MYH10: variants seen among roughly 807,000 people sequenced by gnomAD.
MYH10 encodes the protein myosin heavy chain 10, also known as myosin-10.
In MYH10, 55 loss-of-function variants were observed where a neutral mutation model predicts 257.8. The observed-to-expected ratio is 0.21, with a 90% CI of 0.17 to 0.27. MYH10 has a LOEUF of 0.27. MYH10 is among the 10% of genes least tolerant of loss of function. The pLI, the probability that MYH10 is intolerant of heterozygous loss-of-function variation, is 1.00. For missense variants in MYH10, 1,631 were observed against 2,500.6 expected (o/e 0.65, Z 7.42); for synonymous variants, 854 against 921.7 (o/e 0.93, Z 1.33).
Position 8,577,302 on chromosome 17 carries a change from C to T in MYH10, c.567G>A (p.Lys189=), listed in dbSNP as rs1480975877. 4 of 1,611,274 alleles carry T rather than the reference C, an allele frequency of 2.5e-6. No homozygotes were observed. The highest frequency in any genetic ancestry group is 2.7e-5 in the African/African-American group (2 of 74,880). The change falls in exon 5 of 43, where the codon AAG becomes AAA. Residue 189 remains lysine, a synonymous_variant. Transcript: ENST00000360416. ...ESGAGKTENT[K]KVIQYLAHVA... is the part of the protein sequence containing the mutation. Reference sequence around the variant, plus strand: ...CATGGGCAAGGTACTGAATAACTTTCTTTGTATTTTCTGTCTTCCCAGCAC... The same window carrying T: ...CATGGGCAAGGTACTGAATAACTTTTTTTGTATTTTCTGTCTTCCCAGCAC...
At position 8,535,856 on chromosome 17, in the gene MYH10, C is replaced by G. The variant is rs1346490356; in HGVS notation, c.1681G>C (p.Glu561Gln). 6.2e-7 allele frequency: 1 copy of G among 1,614,086 alleles called. No individual in the cohort carries two copies. Among genetic ancestry groups the G allele is most frequent in the Non-Finnish European group, 8.5e-7 (1 of 1,179,996 alleles). ...GAACCTTGCTCTTGAACCAGTTTTTCAACAAAGGTTTTATCTGTGGCTTTA... is the reference window on the plus strand; with the variant it reads ...GAACCTTGCTCTTGAACCAGTTTTTGAACAAAGGTTTTATCTGTGGCTTTA... Reference protein sequence around the residue: ...FPKATDKTFVEKLVQEQGSHS... With the variant: ...FPKATDKTFVQKLVQEQGSHS... The change falls in exon 15 of 43, where the codon GAA becomes CAA. Residue 561 changes from glutamate (E) to glutamine (Q), a missense_variant. This residue lies in a region of MYH10 where 63 missense variants were observed against 167.9 expected (regional missense o/e 0.38). Transcript: ENST00000360416. This position sits in a 1 kb window ranked among gnomAD's most constrained non-coding sequence, Gnocchi z 4.3.
rs183112578 is a variant in MYH10, at chr17:8,494,881, G to A, written c.4056+256C>T. Among the ~76,000 whole-genome samples the A allele has an allele frequency of 1.9e-3, 282 of 152,330 alleles. 1 individual carries two copies. Among genetic ancestry groups the A allele is most frequent in the African/African-American group, 6.5e-3 (269 of 41,568 alleles). ...TTGGGTCAACCACAGCCCAGGCAGCGGCCGTGAATGGCAGCTGGAGCTGTC... is the reference window on the plus strand; with the variant it reads ...TTGGGTCAACCACAGCCCAGGCAGCAGCCGTGAATGGCAGCTGGAGCTGTC... On this transcript the variant is annotated intron_variant, in intron 31 of 42. Transcript: ENST00000360416.
intron 38 of MYH10, among the ~76,000 whole-genome samples, chr17:8,481,054 G>T (rs530207372): frequency 5.5e-5 from 3 of 54,300 alleles, no homozygotes; most frequent in African/African-American, 1.7e-4. Flanking sequence ...TGCAGTGCCC[G>T]TTGGCGCACC....
At chr17:8,609,526 G>A (rs2084945120) in intron 2 of MYH10, among the ~76,000 whole-genome samples, 4 of 152,064 alleles carry the variant, frequency 2.6e-5, no homozygotes, top group Admixed American at 2.0e-4. Context: ...GAAAACTTTA[G>A]GAGACAGATT....
chr17:8,478,783 T>C (rs938571878), intron 40 of MYH10, among the ~76,000 whole-genome samples: 1 of 152,196 alleles, frequency 6.6e-6, no homozygotes, highest in Non-Finnish European at 1.5e-5. Flanking sequence ...CAGGCTGGGG[T>C]GCAGTGGCGC....
intron 2 of MYH10, among the ~76,000 whole-genome samples, chr17:8,608,030 C>A (rs2084878580): frequency 6.6e-6 from 1 of 152,028 alleles, no homozygotes; most frequent in South Asian, 2.1e-4. Context: ...AGTAAAAGCA[C>A]AAAACTCTTA....
chr17:8,576,843 G>C (rs2083517063), intron 5 of MYH10, among the ~76,000 whole-genome samples, 171 bp from the exon 6 acceptor site: 1 of 152,138 alleles, frequency 6.6e-6, no homozygotes, highest in Admixed American at 6.6e-5. Flanking sequence ...TAAAAATTAA[G>C]GAGAACTGAC....
At position 8,488,492 on chromosome 17, in the gene MYH10, T is replaced by C. The variant is rs1915237529; in HGVS notation, c.4885-898A>G. Among the ~76,000 whole-genome samples, 2 of 152,228 alleles carry C rather than the reference T, an allele frequency of 1.3e-5. 1 individual carries two copies. ...CCATAAATGAATGTTTCGTCATGTATTTATTAAGGTATAGGTCATAAATAC... is the reference window on the plus strand; with the variant it reads ...CCATAAATGAATGTTTCGTCATGTACTTATTAAGGTATAGGTCATAAATAC... On this transcript the variant is annotated intron_variant, in intron 35 of 42. Transcript: ENST00000360416.
chr17:8,543,510 T>C (rs923944990), intron 13 of MYH10, among the ~76,000 whole-genome samples: 2 of 149,972 alleles, frequency 1.3e-5, no homozygotes, highest in African/African-American at 4.9e-5. Flanking sequence ...AGTCTCGTTC[T>C]CTTGCCCAGG....
intron 2 of MYH10, among the ~76,000 whole-genome samples, chr17:8,622,547 C>A (rs995673194): frequency 6.6e-6 from 1 of 152,162 alleles, no homozygotes; most frequent in Non-Finnish European, 1.5e-5. Context: ...GATTTTTGAC[C>A]GTTTTGCTGT....
chr17:8,596,568 T>TG (rs201937278), intron 3 of MYH10, among the ~76,000 whole-genome samples: 1,815 of 151,706 alleles, frequency 0.012, 108 homozygotes, highest in Admixed American at 0.11. Context: ...TCCTTCAACT[T>TG]GCTTTCTCAA....
At chr17:8,509,150 C>G (rs1045359594) in intron 25 of MYH10, among the ~76,000 whole-genome samples, 1 of 152,182 alleles carries the variant, frequency 6.6e-6, no homozygotes, top group African/African-American at 2.4e-5. Flanking sequence ...CGTACCTTTT[C>G]TATCATATTT....
chr17:8,479,624 G>A (rs548817168), intron 40 of MYH10, among the ~76,000 whole-genome samples: 62 of 152,292 alleles, frequency 4.1e-4, no homozygotes, highest in African/African-American at 1.3e-3. Context: ...GGCTCTGGGC[G>A]CTATGACCTA....
At chr17:8,608,225 CA>C (rs1286841710) in intron 2 of MYH10, among the ~76,000 whole-genome samples, 2 of 152,086 alleles carry the variant, frequency 1.3e-5, no homozygotes, top group African/African-American at 4.8e-5. Context: ...GCATTTCAGA[CA>C]AAGTACAAAT....
At position 8,569,436 on chromosome 17, in the gene MYH10, A is replaced by C. The variant is rs372890428; in HGVS notation, c.756+284T>G. On this transcript the variant is annotated intron_variant, in intron 7 of 42. Coordinates refer to ENST00000360416, the MANE Select transcript of MYH10 (RefSeq NM_001256012.3). This position sits in a 1 kb window ranked among gnomAD's most constrained non-coding sequence, Gnocchi z 4.1. ...AGGTGTTATTATCATGCCCAATCAA[A>C]GATAAATAAGCTCAGAGAGGTTAAA... 1.4e-4 allele frequency among the ~76,000 whole-genome samples: 22 copies of C among 152,342 alleles called. No homozygotes were observed. The East Asian group carries it at 4.1e-3, about 28-fold the overall frequency.
intron 30 of MYH10, among the ~76,000 whole-genome samples, chr17:8,498,916 G>A (rs1337311716): frequency 1.3e-5 from 2 of 152,110 alleles, no homozygotes; most frequent in Non-Finnish European, 1.5e-5. Context: ...TAAAACTCTC[G>A]TAAATCTTTG....
At chr17:8,485,128 AG>A (rs563673550) in intron 36 of MYH10, among the ~76,000 whole-genome samples, 58 of 152,374 alleles carry the variant, frequency 3.8e-4, no homozygotes, top group African/African-American at 1.3e-3. Context: ...AAAGCCCACA[AG>A]AACTAATTGA....
intron 38 of MYH10, 188 bp from the exon 39 acceptor site, chr17:8,480,713 C>G (rs554937925): frequency 4.2e-6 from 3 of 714,506 alleles, no homozygotes; most frequent in South Asian, 1.7e-5. Context: ...CACCCTCCCC[C>G]GCTGCCACCA....
intron 6 of MYH10, among the ~76,000 whole-genome samples, chr17:8,571,085 T>C (rs2083318651): frequency 6.6e-6 from 1 of 152,226 alleles, no homozygotes; most frequent in Admixed American, 6.5e-5. Flanking sequence ...TCGGTTTATT[T>C]TCTTGGCATT....
Sources: gnomAD v4.1 joint callset for allele counts (sites outside exome capture counted in the v4.1 genomes callset) on GRCh38, gnomAD v4.1.1 for gene constraint, gnomAD v4.1.1 regional missense constraint, Gnocchi (gnomAD v3.1) non-coding constraint, MANE v1.5 for transcripts, NCBI Gene and HGNC (gene_info 2026-07-23, HGNC 2026-07-21) for gene names.